TMEM132D: variants seen among roughly 807,000 people sequenced by gnomAD.
The protein encoded by TMEM132D is mature OL transmembrane protein.
Under a neutral mutation model 62.3 loss-of-function variants are expected in TMEM132D, and 21 were observed. The observed-to-expected ratio is 0.34, with a 90% CI of 0.24 to 0.49. The LOEUF (loss-of-function observed/expected upper bound fraction) is 0.49. Among genes scored for constraint, TMEM132D ranks in the 20% least tolerant of loss-of-function variants. The pLI, the probability that TMEM132D is intolerant of heterozygous loss-of-function variation, is 0.99. For synonymous variants in TMEM132D, 621 were observed against 575.6 expected (o/e 1.08, Z -1.13); for missense variants, 1,346 against 1,402.8 (o/e 0.96, Z 0.65).
chr12:129,258,125 C>A (rs941549959), intron 4 of TMEM132D, among the ~76,000 whole-genome samples: 1 of 152,314 alleles, frequency 6.6e-6, no homozygotes, highest in South Asian at 2.1e-4. Flanking sequence ...TGACTCTAAT[C>A]CTTTCCGGCT....
intron 5 of TMEM132D, chr12:129,085,851 T>TG (rs1874600766): frequency 6.6e-6 from 1 of 152,272 alleles, no homozygotes. Flanking sequence ...TTTGTTCTCT[T>TG]GTCTTGTCTC....
chr12:129,385,467 T>A (rs1871084408), intron 3 of TMEM132D, among the ~76,000 whole-genome samples: 1 of 152,100 alleles, frequency 6.6e-6, no homozygotes, highest in African/African-American at 2.4e-5. Context: ...GGAAAAGACT[T>A]TTACATCTTG....
chr12:129,808,759 G>T (rs911844755), intron 1 of TMEM132D, among the ~76,000 whole-genome samples: 1 of 151,430 alleles, frequency 6.6e-6, no homozygotes, highest in Admixed American at 6.6e-5. Context: ...GAACAAAGGC[G>T]GGAAGGAAGG....
rs181543563 is a variant in TMEM132D at position 129,263,324 on chromosome 12, A to G, written c.1300-53661T>C. Among the ~76,000 whole-genome samples the G allele has an allele frequency of 2.8e-3, 422 of 152,354 alleles. 2 individuals are homozygous for G. Among genetic ancestry groups the G allele is most frequent in the African/African-American group, 9.8e-3 (406 of 41,588 alleles). The stretch of plus-strand genomic sequence containing the variant: ...TTGGTTTTGTTTTCTGGTAGGATCC[A>G]GAAAGAACTTGGACAATAAGGTTGA... On this transcript the variant is annotated intron_variant, in intron 4 of 8. Coordinates refer to ENST00000422113, the MANE Select transcript of TMEM132D (RefSeq NM_133448.3).
intron 1 of TMEM132D, among the ~76,000 whole-genome samples, chr12:129,756,345 A>G (rs1230549336): frequency 1.3e-5 from 2 of 152,216 alleles, no homozygotes; most frequent in Non-Finnish European, 1.5e-5. Context: ...ATATTATTTA[A>G]CTTTAAAAAG....
intron 2 of TMEM132D, among the ~76,000 whole-genome samples, chr12:129,594,196 G>T (rs1878272093): frequency 6.6e-6 from 1 of 152,246 alleles, no homozygotes; most frequent in African/African-American, 2.4e-5. Context: ...GCAGAAGTGG[G>T]GTTAAAAGCT....
chr12:129,525,224 C>T (rs1056998521), intron 3 of TMEM132D, among the ~76,000 whole-genome samples: 82 of 32,094 alleles, frequency 2.6e-3, no homozygotes, highest in Non-Finnish European at 3.3e-3. Flanking sequence ...GGTGCCCAGC[C>T]GGTTTTTTTT....
At chr12:129,422,470 C>T (rs1440515500) in intron 3 of TMEM132D, among the ~76,000 whole-genome samples, 1 of 152,086 alleles carries the variant, frequency 6.6e-6, no homozygotes, top group Non-Finnish European at 1.5e-5. Context: ...CATCAGTGGT[C>T]AAATAAATGC....
At chr12:129,791,045 G>A (rs1871388243) in intron 1 of TMEM132D, among the ~76,000 whole-genome samples, 1 of 152,166 alleles carries the variant, frequency 6.6e-6, no homozygotes, top group Admixed American at 6.5e-5. Flanking sequence ...CTATATTCTA[G>A]TGACATATCT....
chr12:129,582,486 G>A (rs1877897753), intron 2 of TMEM132D, among the ~76,000 whole-genome samples: 1 of 152,222 alleles, frequency 6.6e-6, no homozygotes, highest in African/African-American at 2.4e-5. Context: ...GAGTATCTCT[G>A]AGGCAGGGGG....
chr12:129,115,402 G>C (rs1875864248), intron 5 of TMEM132D, among the ~76,000 whole-genome samples: 1 of 152,110 alleles, frequency 6.6e-6, no homozygotes, highest in Admixed American at 6.5e-5. Context: ...TGAAATCTTT[G>C]GGATGGAGGT....
At chr12:129,643,982 G>A (rs1024916191) in intron 2 of TMEM132D, among the ~76,000 whole-genome samples, 2 of 151,774 alleles carry the variant, frequency 1.3e-5, no homozygotes, top group Admixed American at 6.6e-5. Context: ...AGCCTCCCAA[G>A]TAGCTGGGAT....
At chr12:129,603,381 A>G (rs1409746082) in intron 2 of TMEM132D, among the ~76,000 whole-genome samples, 1 of 152,198 alleles carries the variant, frequency 6.6e-6, no homozygotes, top group Non-Finnish European at 1.5e-5. Flanking sequence ...AATGTTCTAC[A>G]GTTGAAATCT....
intron 4 of TMEM132D, among the ~76,000 whole-genome samples, chr12:129,244,113 C>T (rs1008789631): frequency 1.3e-5 from 2 of 152,054 alleles, no homozygotes; most frequent in Non-Finnish European, 2.9e-5. Flanking sequence ...CGGCCGGGTG[C>T]GGTGGCTGAC....
intron 3 of TMEM132D, among the ~76,000 whole-genome samples, chr12:129,459,074 C>A (rs1045547132): frequency 1.3e-5 from 2 of 152,136 alleles, no homozygotes; most frequent in Non-Finnish European, 2.9e-5. Flanking sequence ...GTTGTAATGG[C>A]ACCAGGAACA....
intron 5 of TMEM132D, among the ~76,000 whole-genome samples, chr12:129,204,199 T>C (rs1282940745): frequency 6.6e-6 from 1 of 152,176 alleles, no homozygotes; most frequent in Non-Finnish European, 1.5e-5. Flanking sequence ...GCTGAAATGA[T>C]ATAAATAGAA....
At chr12:129,352,072 G>C (rs1345251744) in intron 3 of TMEM132D, among the ~76,000 whole-genome samples, 2 of 152,286 alleles carry the variant, frequency 1.3e-5, no homozygotes, top group African/African-American at 4.8e-5. Flanking sequence ...ACTCCATCTT[G>C]AGTAAGGGCT....
intron 5 of TMEM132D, among the ~76,000 whole-genome samples, chr12:129,177,641 C>T (rs985817328): frequency 6.6e-6 from 1 of 152,246 alleles, no homozygotes; most frequent in African/African-American, 2.4e-5. Context: ...ACCTATAGTT[C>T]CAGCTACTTG....
intron 2 of TMEM132D, among the ~76,000 whole-genome samples, chr12:129,670,824 A>T (rs1880484963): frequency 6.6e-6 from 1 of 152,242 alleles, no homozygotes; most frequent in Non-Finnish European, 1.5e-5. Context: ...CACTTCTGAA[A>T]CAATGGCTCT....
Sources: allele counts gnomAD v4.1 joint callset (sites outside exome capture counted in the v4.1 genomes callset), GRCh38; gene constraint gnomAD v4.1.1; transcripts MANE v1.5; gene names NCBI Gene and HGNC (gene_info 2026-07-23, HGNC 2026-07-21).